Variants in CHCHD3 observed in about 807,000 individuals in gnomAD.
CHCHD3 encodes coiled-coil-helix-coiled-coil-helix domain containing 3.
Under a neutral mutation model 38.2 loss-of-function variants are expected in CHCHD3, and 20 were observed. The ratio of observed to expected loss-of-function variants is 0.52; its 90% CI spans 0.37 to 0.76. The LOEUF is 0.76. Among genes scored for constraint, CHCHD3 ranks in the 30% least tolerant of loss-of-function variants. The pLI, the probability that CHCHD3 is intolerant of heterozygous loss-of-function variation, is 0.00. For missense variants in CHCHD3, 245 were observed against 279.2 expected (o/e 0.88, Z 0.87); for synonymous variants, 82 against 100.0 (o/e 0.82, Z 1.07).
At chr7:132,787,050 G>A (rs565538870) in intron 7 of CHCHD3, among the ~76,000 whole-genome samples, 1 of 152,224 alleles carries the variant, frequency 6.6e-6, no homozygotes, top group Non-Finnish European at 1.5e-5. Context: ...GTGGAGGACT[G>A]GGGTGGGACT....
chr7:133,052,352 C>T (rs568105923), intron 2 of CHCHD3, among the ~76,000 whole-genome samples: 32 of 152,120 alleles, frequency 2.1e-4, no homozygotes, highest in African/African-American at 7.2e-4. Context: ...GGAATGCAAT[C>T]GTTGATAGCT....
At chr7:132,853,809 T>A (rs1218286702) in intron 5 of CHCHD3, among the ~76,000 whole-genome samples, 1 of 152,182 alleles carries the variant, frequency 6.6e-6, no homozygotes, top group Non-Finnish European at 1.5e-5. Context: ...CTAGGATGAA[T>A]TGTATTATAT....
chr7:133,076,347 A>T (rs1814990910), intron 1 of CHCHD3, among the ~76,000 whole-genome samples: 1 of 152,132 alleles, frequency 6.6e-6, no homozygotes, highest in Admixed American at 6.5e-5. Context: ...TGTATGCAAA[A>T]CTGTCTGCTT....
chr7:133,076,478 C>T (rs991082528), intron 1 of CHCHD3, among the ~76,000 whole-genome samples: 2 of 152,218 alleles, frequency 1.3e-5, no homozygotes, highest in Non-Finnish European at 2.9e-5. Flanking sequence ...ATTCAGCCCA[C>T]TGAACTTGAC....
At chr7:133,044,007 C>T (rs939913536) in intron 2 of CHCHD3, among the ~76,000 whole-genome samples, 2 of 152,156 alleles carry the variant, frequency 1.3e-5, no homozygotes, top group African/African-American at 4.8e-5. Flanking sequence ...TGCTTTTCAG[C>T]ATCAGTGTCC....
At chr7:132,837,740 C>T (rs575631692) in intron 6 of CHCHD3, among the ~76,000 whole-genome samples, 1 of 152,284 alleles carries the variant, frequency 6.6e-6, no homozygotes, top group Non-Finnish European at 1.5e-5. Context: ...AGAGGTTACA[C>T]AATAGGACTA....
At chr7:133,047,297 C>G (rs1814021173) in intron 2 of CHCHD3, among the ~76,000 whole-genome samples, 1 of 152,086 alleles carries the variant, frequency 6.6e-6, no homozygotes, top group Non-Finnish European at 1.5e-5. Flanking sequence ...GTACTGCCCT[C>G]AGAAAATTTT....
At chr7:132,882,588 G>A (rs1377409500) in intron 5 of CHCHD3, among the ~76,000 whole-genome samples, 1 of 151,108 alleles carries the variant, frequency 6.6e-6, no homozygotes, top group Non-Finnish European at 1.5e-5. Context: ...CAGTTTATTT[G>A]TTGAGCAGTT....
intron 6 of CHCHD3, among the ~76,000 whole-genome samples, chr7:132,829,389 T>C (rs1279893311): frequency 2.0e-5 from 3 of 152,168 alleles, no homozygotes; most frequent in Non-Finnish European, 2.9e-5. Flanking sequence ...ATGTAGGGTA[T>C]ACTAGATTCT....
At chr7:132,915,138 C>CAA (rs201294940) in intron 4 of CHCHD3, among the ~76,000 whole-genome samples, 3 of 133,372 alleles carry the variant, frequency 2.2e-5, no homozygotes, top group Admixed American at 7.7e-5. Context: ...TACTCCATCT[C>CAA]AAAAAAAAAA....
intron 3 of CHCHD3, among the ~76,000 whole-genome samples, chr7:133,001,487 TA>T (rs1315539466): frequency 1.3e-5 from 2 of 152,130 alleles, no homozygotes; most frequent in Non-Finnish European, 2.9e-5. Flanking sequence ...TTATGTCAAC[TA>T]AAAGGAATAT....
At chr7:132,851,225 A>C (rs929733147) in intron 5 of CHCHD3, among the ~76,000 whole-genome samples, 5 of 152,178 alleles carry the variant, frequency 3.3e-5, no homozygotes, top group Non-Finnish European at 7.4e-5. Context: ...TAACAATTTA[A>C]GGTTTTAGCC....
intron 2 of CHCHD3, among the ~76,000 whole-genome samples, chr7:133,045,828 G>A (rs1024269091): frequency 4.6e-5 from 7 of 152,002 alleles, no homozygotes; most frequent in East Asian, 1.9e-4. Context: ...AGATCTAGTC[G>A]TTTAAAAGTG....
intron 6 of CHCHD3, 41 bp downstream of exon 6, chr7:132,838,358 G>T (rs374256441): frequency 2.2e-6 from 3 of 1,338,110 alleles, no homozygotes; most frequent in Admixed American, 1.7e-5. Flanking sequence ...CTTTCATCTT[G>T]TTAAGAATAG....
At chr7:132,819,596 G>A (rs922550808) in intron 6 of CHCHD3, among the ~76,000 whole-genome samples, 2 of 152,114 alleles carry the variant, frequency 1.3e-5, no homozygotes, top group African/African-American at 4.8e-5. Context: ...TACCTTAAAC[G>A]GTTCACACTT....
intron 5 of CHCHD3, among the ~76,000 whole-genome samples, chr7:132,846,468 T>C (rs138329220): frequency 6.6e-6 from 1 of 152,250 alleles, no homozygotes; most frequent in African/African-American, 2.4e-5. Context: ...TTGTGGTAGT[T>C]CATTATATAG....
intron 5 of CHCHD3, among the ~76,000 whole-genome samples, chr7:132,877,262 G>A (rs1808936205): frequency 6.6e-6 from 1 of 152,084 alleles, no homozygotes; most frequent in African/African-American, 2.4e-5. Flanking sequence ...TTTCAGAGAG[G>A]TTAACAGAAA....
At chr7:133,036,626 G>A (rs1376713286) in intron 2 of CHCHD3, among the ~76,000 whole-genome samples, 1 of 152,186 alleles carries the variant, frequency 6.6e-6, no homozygotes, top group Non-Finnish European at 1.5e-5. Context: ...CAGGTTTACA[G>A]AGACCTGTGT....
intron 2 of CHCHD3, among the ~76,000 whole-genome samples, chr7:133,027,921 T>C (rs549758482): frequency 1.5e-4 from 23 of 152,340 alleles, no homozygotes; most frequent in African/African-American, 4.8e-4. Context: ...TCAGTTAATC[T>C]AACTGAATTT....
Sources: allele counts gnomAD v4.1 joint callset (sites outside exome capture counted in the v4.1 genomes callset), GRCh38; gene constraint gnomAD v4.1.1; transcripts MANE v1.5; gene names NCBI Gene and HGNC (gene_info 2026-07-23, HGNC 2026-07-21).